Variants in MCRIP1 observed in about 807,000 individuals in gnomAD.
The protein encoded by MCRIP1 is mapk-regulated corepressor-interacting protein 1.
Under a neutral mutation model 14.4 loss-of-function variants are expected in MCRIP1, and 10 were observed. That is an observed-to-expected ratio of 0.70 (90% CI 0.43 to 1.18). The LOEUF is 1.18. Among genes scored for constraint, MCRIP1 ranks in the 50% most tolerant of loss-of-function variants. The pLI is 0.00. For synonymous variants in MCRIP1, 53 were observed against 55.7 expected, an observed-to-expected ratio of 0.95 and a Z score of 0.21; for missense variants, 119 against 135.4, an observed-to-expected ratio of 0.88 and a Z score of 0.60.
In MCRIP1 at chr17:81,822,985, A is replaced by G; in HGVS notation, c.*262T>C. On this transcript the variant is annotated 3_prime_UTR_variant, in exon 5 of 5. Transcript: ENST00000455127. Reference sequence around the variant, plus strand: ...GGCCCCTGGGGGCCAGGCAGCTTCAAAAATGCAGCCAGGTGGCTGGGGGAG... The same window carrying G: ...GGCCCCTGGGGGCCAGGCAGCTTCAGAAATGCAGCCAGGTGGCTGGGGGAG... 5.1e-6 allele frequency: 3 copies of G among 588,320 alleles called. No individual in the cohort carries two copies. Among genetic ancestry groups the G allele is most frequent in the Non-Finnish European group, 9.1e-6 (3 of 330,456 alleles). The allele number at this position is 588,320 out of a possible 1,614,324, so 36.4% of individuals were successfully genotyped here.
intron 1 of MCRIP1, among the ~76,000 whole-genome samples, chr17:81,827,958 T>C (rs192659241): frequency 1.9e-4 from 29 of 151,736 alleles, no homozygotes; most frequent in Non-Finnish European, 3.4e-4. Flanking sequence ...TTTTTTCTAT[T>C]TTTAGTGGAG....
Position 81,823,979 on chromosome 17 carries a change from C to T in MCRIP1, c.127+308G>A, listed in dbSNP as rs1282771160. Among the ~76,000 whole-genome samples, 1 of 152,238 alleles carries T rather than the reference C, an allele frequency of 6.6e-6. No homozygotes were observed. Among genetic ancestry groups the T allele is most frequent in the Non-Finnish European group, 1.5e-5 (1 of 68,034 alleles). Reference sequence around the variant, plus strand: ...GCCCCTCCCTTTCCCCAGCAAACTCCTCCAGTGCTGCTAGCATGGATGACT... The same window carrying T: ...GCCCCTCCCTTTCCCCAGCAAACTCTTCCAGTGCTGCTAGCATGGATGACT... On this transcript the variant is annotated intron_variant, in intron 3 of 4. Transcript: ENST00000455127. The surrounding 1 kb of genome is among the most constrained non-coding windows in gnomAD (Gnocchi z 6.0).
At chr17:81,824,265 T>TG (rs1491234849) in intron 3 of MCRIP1, 22 bp downstream of exon 3, 110 of 1,505,754 alleles carry the variant, frequency 7.3e-5, no homozygotes, top group African/African-American at 9.7e-5. Context: ...GGGCAGGAGC[T>TG]GTGTGTGGCA....
Position 81,822,995 on chromosome 17 carries a change from C to T in MCRIP1, c.*252G>A. On this transcript the variant is annotated 3_prime_UTR_variant, in exon 5 of 5. Transcript: ENST00000455127. ...GGCCAGGCAGCTTCAAAAATGCAGC[C>T]AGGTGGCTGGGGGAGGGCAGGAGGG... The T allele has an allele frequency of 1.7e-6, 1 of 593,426 alleles. No homozygotes were observed. The highest frequency in any genetic ancestry group is 3.0e-6 in the Non-Finnish European group (1 of 333,846). The allele number at this position is 593,426 out of a possible 1,614,324, so 36.8% of individuals were successfully genotyped here.
intron 1 of MCRIP1, chr17:81,825,621 C>T (rs1397723680): frequency 2.3e-6 from 3 of 1,289,302 alleles, no homozygotes; most frequent in Non-Finnish European, 3.0e-6. Context: ...AGCCCTCAAA[C>T]ACCACGTGAT....
Position 81,823,809 on chromosome 17 carries a change from G to C in MCRIP1, c.128-296C>G, listed in dbSNP as rs1367367095. 6.9e-6 allele frequency: 4 copies of C among 578,978 alleles called. No individual in the cohort carries two copies. In the East Asian group the frequency reaches 8.6e-5, roughly 12 times the overall value. The allele number at this position is 578,978 out of a possible 1,614,324, so 35.9% of individuals were successfully genotyped here. A position where few individuals can be genotyped will look rare whatever the true frequency, so the allele number is the denominator to read the frequency against. On this transcript the variant is annotated intron_variant, in intron 3 of 4. Transcript: ENST00000455127. This position sits in a 1 kb window ranked among gnomAD's most constrained non-coding sequence, Gnocchi z 6.0. ...CCTCGGAGGCAGCGCATCCTCCTCA[G>C]CTAGGCCTCTATCTTTCCCACCTCA...
Position 81,823,797 on chromosome 17 carries a change from G to T in MCRIP1, c.128-284C>A. 1 of 582,156 alleles carries T rather than the reference G, an allele frequency of 1.7e-6. No homozygotes were observed. The highest frequency in any genetic ancestry group is 3.1e-6 in the Non-Finnish European group (1 of 327,184). 36.1% of individuals were successfully genotyped at this position (582,156 alleles called of 1,614,324 possible). ...GGCTTCCCTGCGCCTCGGAGGCAGC[G>T]CATCCTCCTCAGCTAGGCCTCTATC... On this transcript the variant is annotated intron_variant, in intron 3 of 4. Transcript: ENST00000455127. The surrounding 1 kb of genome is among the most constrained non-coding windows in gnomAD (Gnocchi z 6.0).
At chr17:81,824,921 T>C in intron 1 of MCRIP1, 1 of 1,154,758 alleles carries the variant, frequency 8.7e-7, no homozygotes, top group Non-Finnish European at 1.1e-6. Context: ...GCCGTCAGCA[T>C]CTCTGATGTC....
intron 1 of MCRIP1, chr17:81,825,690 T>G (rs1378608361): frequency 7.8e-7 from 1 of 1,289,346 alleles, no homozygotes; most frequent in African/African-American, 1.5e-5. Context: ...CTCCCAGCCC[T>G]GGAACTCTGT....
At chr17:81,832,842 G>C (rs1039830871) in intron 1 of MCRIP1, among the ~76,000 whole-genome samples, 2 of 152,202 alleles carry the variant, frequency 1.3e-5, no homozygotes, top group Non-Finnish European at 2.9e-5. Context: ...TCCGAGAATC[G>C]GAGGCATCCT....
At chr17:81,824,462 G>A in intron 2 of MCRIP1, 37 bp downstream of exon 2, 8 of 1,534,720 alleles carry the variant, frequency 5.2e-6, no homozygotes, top group Non-Finnish European at 6.1e-6. Flanking sequence ...CCCACAACCC[G>A]CCCCGGTGGA....
At chr17:81,827,926 G>A (rs1295289158) in intron 1 of MCRIP1, among the ~76,000 whole-genome samples, 2 of 151,384 alleles carry the variant, frequency 1.3e-5, no homozygotes, top group East Asian at 2.0e-4. Flanking sequence ...GACTATAGGC[G>A]CCCGCCACCA....
intron 1 of MCRIP1, among the ~76,000 whole-genome samples, chr17:81,829,286 C>A (rs1367778519): frequency 6.6e-6 from 1 of 152,162 alleles, no homozygotes; most frequent in Non-Finnish European, 1.5e-5. Context: ...CTCCATTCAG[C>A]CCAGAGAGAC....
At chr17:81,826,095 C>T in intron 1 of MCRIP1, 1 of 1,477,284 alleles carries the variant, frequency 6.8e-7, no homozygotes, top group Non-Finnish European at 9.0e-7. Context: ...GGCCACTTGG[C>T]CTTTATGCAG....
At chr17:81,832,603 G>A (rs2038541905) in intron 1 of MCRIP1, among the ~76,000 whole-genome samples, 1 of 152,246 alleles carries the variant, frequency 6.6e-6, no homozygotes, top group Non-Finnish European at 1.5e-5. Context: ...CCAGCTGAAA[G>A]ACCACCTTCC....
chr17:81,833,271 C>T lies in MCRIP1; in HGVS notation c.-82G>A, dbSNP rs1033562858. ...GACCCGCCGCCACCGCCTCTTCCAG[C>T]TGGGAGGCCCCGCCGGAAGTGACGC... is the stretch of plus-strand genomic sequence containing the variant. On this transcript the variant is annotated 5_prime_UTR_variant, in exon 1 of 5. Coordinates refer to ENST00000455127, the MANE Select transcript of MCRIP1 (RefSeq NM_207368.5). The T allele has an allele frequency of 6.6e-6, 1 of 152,040 alleles. No individual in the cohort carries two copies. Among genetic ancestry groups the T allele is most frequent in the African/African-American group, 2.4e-5 (1 of 41,368 alleles). 9.4% of individuals were successfully genotyped at this position (152,040 alleles called of 1,614,324 possible).
chr17:81,825,945 C>T, intron 1 of MCRIP1: 1 of 1,304,096 alleles, frequency 7.7e-7, no homozygotes, highest in Non-Finnish European at 1.0e-6. Flanking sequence ...AGGCAGAGCT[C>T]AGGTAACAGG....
In MCRIP1 at chr17:81,823,777, C is replaced by A; in HGVS notation, c.128-264G>T. The A allele has an allele frequency of 1.7e-6, 1 of 587,884 alleles. No individual in the cohort carries two copies. The highest frequency in any genetic ancestry group is 3.0e-6 in the Non-Finnish European group (1 of 330,618). The allele number at this position is 587,884 out of a possible 1,614,324, so 36.4% of individuals were successfully genotyped here. On this transcript the variant is annotated intron_variant, in intron 3 of 4. Transcript: ENST00000455127. This position sits in a 1 kb window ranked among gnomAD's most constrained non-coding sequence, Gnocchi z 6.0. The stretch of plus-strand genomic sequence containing the variant: ...ACCCCTATGACCCTACCCCAGGCTT[C>A]CCTGCGCCTCGGAGGCAGCGCATCC...
intron 1 of MCRIP1, chr17:81,825,924 G>A (rs923996065): frequency 1.4e-5 from 18 of 1,295,766 alleles, no homozygotes; most frequent in African/African-American, 1.2e-4. Context: ...GGAAGCTCCC[G>A]TTACAGAGAA....
Sources: gnomAD v4.1 joint callset for allele counts (sites outside exome capture counted in the v4.1 genomes callset) on GRCh38, gnomAD v4.1.1 for gene constraint, Gnocchi (gnomAD v3.1) non-coding constraint, MANE v1.5 for transcripts, NCBI Gene and HGNC (gene_info 2026-07-23, HGNC 2026-07-21) for gene names.